The following MYO10 variants were observed in gnomAD, a reference collection of about 807,000 sequenced individuals.
The protein encoded by MYO10 is myosin X, also known as unconventional myosin-X.
A neutral mutation model predicts 257.3 loss-of-function variants in MYO10; 133 were observed. That is an observed-to-expected ratio of 0.52 (90% CI 0.45 to 0.60). The LOEUF is 0.60. Ranked by LOEUF, MYO10 falls within the 20% of genes least tolerant of loss-of-function variation. The pLI is 0.00. For missense variants in MYO10, 2,399 were observed against 2,635.7 expected, an observed-to-expected ratio of 0.91 and a Z score of 1.97; for synonymous variants, 1,104 against 1,028.6, an observed-to-expected ratio of 1.07 and a Z score of -1.40.
chr5:16,866,907 C>G lies in MYO10; in HGVS notation c.120+10702G>C, dbSNP rs572022146. ...ACCCACAGCCGCTCTTCCCGGGAAC[C>G]TGGAGCTGCCCTCCCGGACCCCAGG... is the stretch of plus-strand genomic sequence containing the variant. On this transcript the variant is annotated intron_variant, in intron 2 of 40. Transcript: ENST00000513610. 1.1e-3 allele frequency among the ~76,000 whole-genome samples: 174 copies of G among 152,328 alleles called. 2 individuals carry two copies. The highest frequency in any genetic ancestry group is 4.0e-3 in the African/African-American group (165 of 41,570).
intron 9 of MYO10, among the ~76,000 whole-genome samples, chr5:16,776,392 C>G (rs1346399142): frequency 6.6e-6 from 1 of 151,774 alleles, no homozygotes; most frequent in Non-Finnish European, 1.5e-5. Flanking sequence ...GCAAAAATGT[C>G]ATGTTTGTGA....
At chr5:16,910,763 A>G (rs1354116034) in intron 1 of MYO10, among the ~76,000 whole-genome samples, 1 of 152,116 alleles carries the variant, frequency 6.6e-6, no homozygotes, top group Non-Finnish European at 1.5e-5. Context: ...TGGCTTCCCC[A>G]AGGTCATATC....
At chr5:16,696,355 TTTTC>T (rs1737744795) in intron 26 of MYO10, among the ~76,000 whole-genome samples, 1 of 152,170 alleles carries the variant, frequency 6.6e-6, no homozygotes, top group South Asian at 2.1e-4. Context: ...GGTGATTAGA[TTTTC>T]TTTTTCATTC....
chr5:16,698,623 G>GTTTTTTTGT (rs1554036065), intron 26 of MYO10, among the ~76,000 whole-genome samples: 1 of 113,860 alleles, frequency 8.8e-6, no homozygotes, highest in South Asian at 3.0e-4. Flanking sequence ...AGAACATGCA[G>GTTTTTTTGT]TTTTTTTTTT....
chr5:16,711,707 G>A (rs1005811996), intron 19 of MYO10, among the ~76,000 whole-genome samples: 16 of 152,006 alleles, frequency 1.1e-4, no homozygotes, highest in Middle Eastern at 3.2e-3. Context: ...GCTTGAACCC[G>A]GGAGGCAGAG....
intron 1 of MYO10, chr5:16,902,742 T>A: frequency 1.4e-6 from 1 of 702,130 alleles, no homozygotes; most frequent in South Asian, 1.6e-5. Context: ...CCTCAGGTGA[T>A]CCACCCGCCT....
chr5:16,905,700 G>A (rs560131471), intron 1 of MYO10, among the ~76,000 whole-genome samples: 15 of 152,340 alleles, frequency 9.8e-5, no homozygotes, highest in Admixed American at 4.6e-4. Context: ...CAACGACCCA[G>A]TGACACCAAG....
intron 33 of MYO10, among the ~76,000 whole-genome samples, chr5:16,677,710 C>T (rs1321511458): frequency 2.0e-5 from 3 of 151,296 alleles, no homozygotes; most frequent in African/African-American, 4.9e-5. Flanking sequence ...CCATCGCACC[C>T]GGCCAACTTA....
chr5:16,668,193 G>T, intron 40 of MYO10, 84 bp downstream of exon 40: 2 of 1,385,994 alleles, frequency 1.4e-6, no homozygotes, highest in Non-Finnish European at 9.8e-7. Context: ...AAAATGACCT[G>T]GTCAAAGGCA....
chr5:16,709,624 T>C (rs560906799), intron 21 of MYO10, among the ~76,000 whole-genome samples: 52 of 152,218 alleles, frequency 3.4e-4, no homozygotes, highest in African/African-American at 1.2e-3. Flanking sequence ...GCCTGGAAGA[T>C]ACCCTGAGGT....
chr5:16,691,355 T>C (rs1457131009), intron 27 of MYO10, among the ~76,000 whole-genome samples: 2 of 150,930 alleles, frequency 1.3e-5, no homozygotes, highest in African/African-American at 4.9e-5. Flanking sequence ...AGAAAATAAG[T>C]ATTATCTGAC....
At chr5:16,821,438 ATTTTCTTTTT>A (rs1742807867) in intron 2 of MYO10, among the ~76,000 whole-genome samples, 43 of 73,238 alleles carry the variant, frequency 5.9e-4, no homozygotes, top group Non-Finnish European at 8.2e-4. Flanking sequence ...CTTTCCTCCT[ATTTTCTTTTT>A]TTTTTTTTTT....
At chr5:16,895,164 G>C (rs1299031564) in intron 1 of MYO10, among the ~76,000 whole-genome samples, 1 of 152,230 alleles carries the variant, frequency 6.6e-6, no homozygotes, top group East Asian at 1.9e-4. Flanking sequence ...CCACACAGTA[G>C]ACAAGTCATT....
Position 16,663,870 on chromosome 5 carries a change from CTG to C in MYO10, c.*2820_*2821del, listed in dbSNP as rs754441597. On this transcript the variant is annotated 3_prime_UTR_variant, in exon 41 of 41. Transcript: ENST00000513610. ...CACTGTATAGCAGGGACTTGAGCAT[CTG>C]TGAATTTTGTATCCTCAGGGGTGGG... The C allele has an allele frequency of 7.8e-6, 1 of 128,048 alleles. No homozygotes were observed. Among genetic ancestry groups the C allele is most frequent in the Admixed American group, 1.1e-4 (1 of 9,206 alleles). The allele number at this position is 128,048 out of a possible 1,614,324, so 7.9% of individuals were successfully genotyped here.
intron 19 of MYO10, among the ~76,000 whole-genome samples, chr5:16,747,918 C>CAAAAAAAAAAA (rs777257950): frequency 7.9e-4 from 24 of 30,532 alleles, no homozygotes; most frequent in Non-Finnish European, 2.7e-3. Context: ...AACTCCGTCT[C>CAAAAAAAAAAA]AAAAAAAAAA....
chr5:16,843,305 A>AATGTCT, intron 2 of MYO10, among the ~76,000 whole-genome samples: 1 of 152,326 alleles, frequency 6.6e-6, no homozygotes, highest in Admixed American at 6.5e-5. Flanking sequence ...TGTGTATGCA[A>AATGTCT]ATGTCTATAT....
At chr5:16,906,130 G>A (rs1019329102) in intron 1 of MYO10, among the ~76,000 whole-genome samples, 13 of 152,166 alleles carry the variant, frequency 8.5e-5, no homozygotes, top group Non-Finnish European at 1.9e-4. Flanking sequence ...CTCCTGCCTG[G>A]CAGGACGGCT....
intron 26 of MYO10, among the ~76,000 whole-genome samples, chr5:16,699,116 C>G (rs1215785832): frequency 2.0e-5 from 3 of 151,980 alleles, no homozygotes; most frequent in South Asian, 2.1e-4. Flanking sequence ...GAAAGGAAAA[C>G]GAGACAGGGA....
chr5:16,712,366 A>G (rs1018295205), intron 19 of MYO10, among the ~76,000 whole-genome samples: 3 of 152,210 alleles, frequency 2.0e-5, no homozygotes, highest in African/African-American at 7.2e-5. Context: ...GGCCAGGACA[A>G]TAGGTTTTCA....
Sources: allele counts gnomAD v4.1 joint callset (sites outside exome capture counted in the v4.1 genomes callset), GRCh38; gene constraint gnomAD v4.1.1; transcripts MANE v1.5; gene names NCBI Gene and HGNC (gene_info 2026-07-23, HGNC 2026-07-21).